The following SCFD2 variants were observed in gnomAD, a reference collection of about 807,000 sequenced individuals.
SCFD2 encodes the protein sec1 family domain-containing protein 2.
In SCFD2, 54 loss-of-function variants were observed where a neutral mutation model predicts 58.9. That is an observed-to-expected ratio of 0.92 (90% CI 0.74 to 1.15). The LOEUF (loss-of-function observed/expected upper bound fraction) is 1.15, where lower values mean the gene tolerates loss of function less well. Ranked by LOEUF, SCFD2 falls within the 50% of genes most tolerant of loss-of-function variation. The pLI is 0.00. For missense variants in SCFD2, 805 were observed against 836.6 expected, an observed-to-expected ratio of 0.96 and a Z score of 0.47; for synonymous variants, 321 against 335.9, an observed-to-expected ratio of 0.96 and a Z score of 0.49.
At chr4:52,939,619 T>C (rs946070552) in intron 5 of SCFD2, among the ~76,000 whole-genome samples, 17 of 151,930 alleles carry the variant, frequency 1.1e-4, no homozygotes, top group Admixed American at 9.2e-4. Flanking sequence ...CAATCTAGTG[T>C]GGGCAACAGA....
At chr4:53,181,060 A>T (rs899200638) in intron 4 of SCFD2, among the ~76,000 whole-genome samples, 10 of 152,242 alleles carry the variant, frequency 6.6e-5, no homozygotes, top group African/African-American at 2.2e-4. Flanking sequence ...TTCACAGCCG[A>T]ATTCCACCAG....
intron 5 of SCFD2, among the ~76,000 whole-genome samples, chr4:53,118,210 A>AT (rs1174362916): frequency 1.3e-5 from 2 of 152,058 alleles, no homozygotes. Flanking sequence ...AGGGCAGGGG[A>AT]TTTTTTCTTA....
At chr4:53,014,082 C>G (rs1442272351) in intron 5 of SCFD2, among the ~76,000 whole-genome samples, 2 of 152,140 alleles carry the variant, frequency 1.3e-5, no homozygotes, top group Admixed American at 1.3e-4. Context: ...GACATACACC[C>G]TTTGCCATGT....
intron 7 of SCFD2, 74 bp downstream of exon 7, chr4:52,907,383 A>G (rs934915093): frequency 1.2e-5 from 18 of 1,453,778 alleles, no homozygotes; most frequent in Non-Finnish European, 1.6e-5. Flanking sequence ...TAGGGTTAAC[A>G]GGGTGCCAGC....
chr4:53,196,724 G>A (rs187589714), intron 4 of SCFD2, among the ~76,000 whole-genome samples: 1 of 151,322 alleles, frequency 6.6e-6, no homozygotes, highest in East Asian at 1.9e-4. Flanking sequence ...AAATCATTTC[G>A]TTAAAGCAAT....
At chr4:52,967,814 G>A (rs1240179096) in intron 5 of SCFD2, among the ~76,000 whole-genome samples, 1 of 152,134 alleles carries the variant, frequency 6.6e-6, no homozygotes, top group Non-Finnish European at 1.5e-5. Context: ...CTGGGCTCTG[G>A]AGCCTGTGTC....
At chr4:53,099,970 A>C (rs1209166645) in intron 5 of SCFD2, among the ~76,000 whole-genome samples, 2 of 152,212 alleles carry the variant, frequency 1.3e-5, no homozygotes, top group East Asian at 3.8e-4. Flanking sequence ...AGTTCAGTGG[A>C]CAAGGAAAAT....
At chr4:53,185,359 A>G (rs1333627542) in intron 4 of SCFD2, among the ~76,000 whole-genome samples, 1 of 152,106 alleles carries the variant, frequency 6.6e-6, no homozygotes, top group African/African-American at 2.4e-5. Context: ...AACATTTTAG[A>G]TATATTACAG....
intron 5 of SCFD2, among the ~76,000 whole-genome samples, chr4:53,000,476 T>C (rs1008608332): frequency 1.3e-5 from 2 of 152,170 alleles, no homozygotes; most frequent in African/African-American, 2.4e-5. Flanking sequence ...GTTTATACTA[T>C]CTGTGTGGCT....
At chr4:52,943,649 A>T (rs1358112135) in intron 5 of SCFD2, among the ~76,000 whole-genome samples, 2 of 152,174 alleles carry the variant, frequency 1.3e-5, no homozygotes, top group African/African-American at 4.8e-5. Context: ...ATCCTCATTC[A>T]TAGGGGAGGA....
At chr4:53,208,438 T>C (rs908765344) in intron 4 of SCFD2, among the ~76,000 whole-genome samples, 1 of 152,204 alleles carries the variant, frequency 6.6e-6, no homozygotes, top group Non-Finnish European at 1.5e-5. Context: ...CTGCATGTTA[T>C]CTCTTAATAC....
intron 5 of SCFD2, among the ~76,000 whole-genome samples, chr4:52,953,998 A>G (rs940511797): frequency 9.9e-5 from 15 of 152,140 alleles, no homozygotes; most frequent in African/African-American, 3.6e-4. Context: ...ACTGTGGGTG[A>G]GCTGCCTTAC....
chr4:53,164,402 C>T (rs530702271), intron 4 of SCFD2, among the ~76,000 whole-genome samples: 1 of 152,166 alleles, frequency 6.6e-6, no homozygotes, highest in Non-Finnish European at 1.5e-5. Flanking sequence ...ATGTGCGCCA[C>T]AGTAGCTCTA....
At chr4:53,313,790 T>C (rs1389555347) in intron 2 of SCFD2, 27 bp from the exon 3 acceptor site, 1 of 1,612,958 alleles carries the variant, frequency 6.2e-7, no homozygotes, top group South Asian at 1.1e-5. Context: ...AAAAGAGCTT[T>C]AGAATAAATT....
At chr4:53,336,507 T>C (rs1733687601) in intron 2 of SCFD2, among the ~76,000 whole-genome samples, 1 of 152,110 alleles carries the variant, frequency 6.6e-6, no homozygotes, top group Non-Finnish European at 1.5e-5. Context: ...TTCCTTTTTT[T>C]CTTTCTTCCT....
chr4:52,960,370 T>TC (rs1384483824), intron 5 of SCFD2, among the ~76,000 whole-genome samples: 1 of 38,436 alleles, frequency 2.6e-5, no homozygotes, highest in Non-Finnish European at 6.5e-5. Flanking sequence ...TTCTTCTTCT[T>TC]TTTTTTTTTT....
chr4:53,165,930 A>C (rs1024985972), intron 4 of SCFD2, among the ~76,000 whole-genome samples: 3 of 152,238 alleles, frequency 2.0e-5, no homozygotes, highest in African/African-American at 7.2e-5. Flanking sequence ...TAAAATATAC[A>C]TAACATAGAA....
chr4:53,007,328 G>GAGAGAGAGAGAGAGAA, intron 5 of SCFD2, among the ~76,000 whole-genome samples: 1 of 134,442 alleles, frequency 7.4e-6, no homozygotes, highest in Non-Finnish European at 1.6e-5. Context: ...GAGAGAGAGA[G>GAGAGAGAGAGAGAGAA]AGAGAGGGAG....
intron 5 of SCFD2, among the ~76,000 whole-genome samples, chr4:53,095,497 C>T (rs1010049348): frequency 1.6e-4 from 24 of 152,124 alleles, no homozygotes; most frequent in African/African-American, 4.8e-4. Context: ...ACTTAGATTA[C>T]TCTAAAAGCC....
Sources: gnomAD v4.1 joint callset for allele counts (sites outside exome capture counted in the v4.1 genomes callset) on GRCh38, gnomAD v4.1.1 for gene constraint, MANE v1.5 for transcripts, NCBI Gene and HGNC (gene_info 2026-07-23, HGNC 2026-07-21) for gene names.